The following TRPM3 variants were observed in gnomAD, a reference collection of about 807,000 sequenced individuals.
TRPM3 encodes the protein transient receptor potential cation channel subfamily M member 3.
In TRPM3, 77 loss-of-function variants were observed where a neutral mutation model predicts 181.2. That is an observed-to-expected ratio of 0.42 (90% CI 0.35 to 0.51). The LOEUF (loss-of-function observed/expected upper bound fraction) is 0.51, where lower values mean the gene tolerates loss of function less well. TRPM3 is among the 20% of genes least tolerant of loss of function. The probability of loss-of-function intolerance (pLI) is 0.01; values close to 1 mark genes in which losing one functional copy is unlikely to be tolerated. For synonymous variants in TRPM3, 745 were observed against 796.4 expected, an observed-to-expected ratio of 0.94 and a Z score of 1.09; for missense variants, 1,759 against 2,196.7, an observed-to-expected ratio of 0.80 and a Z score of 3.98.
chr9:71,049,488 G>C (rs756684750), intron 1 of TRPM3, among the ~76,000 whole-genome samples: 1 of 152,128 alleles, frequency 6.6e-6, no homozygotes, highest in African/African-American at 2.4e-5. Flanking sequence ...GTGAGTTTTA[G>C]ATCTGAAAGC....
At chr9:70,991,196 A>G (rs1021786514) in intron 1 of TRPM3, among the ~76,000 whole-genome samples, 1 of 152,196 alleles carries the variant, frequency 6.6e-6, no homozygotes, top group African/African-American at 2.4e-5. Context: ...CATGGATAGA[A>G]TTCAGTGGTC....
intron 1 of TRPM3, among the ~76,000 whole-genome samples, chr9:70,906,136 A>T (rs996174750): frequency 6.6e-6 from 1 of 152,146 alleles, no homozygotes; most frequent in Non-Finnish European, 1.5e-5. Context: ...TTGACAACTT[A>T]AAAAAATCTT....
At chr9:70,643,477 G>A (rs1021328984) in intron 9 of TRPM3, among the ~76,000 whole-genome samples, 2 of 152,212 alleles carry the variant, frequency 1.3e-5, no homozygotes, top group Non-Finnish European at 2.9e-5. Flanking sequence ...TTAGGCAAGT[G>A]TCAAATGAAA....
chr9:70,910,088 A>C (rs2096522957), intron 1 of TRPM3, among the ~76,000 whole-genome samples: 1 of 152,220 alleles, frequency 6.6e-6, no homozygotes, highest in Admixed American at 6.5e-5. Flanking sequence ...TGTGTTCACC[A>C]AAAAATATGT....
intron 7 of TRPM3, among the ~76,000 whole-genome samples, chr9:70,769,820 C>T (rs1222682587): frequency 2.6e-5 from 4 of 151,978 alleles, no homozygotes; most frequent in African/African-American, 4.8e-5. Context: ...TCTGCATGTG[C>T]CTTAAGTTCT....
chr9:70,999,137 A>C (rs2097573889), intron 1 of TRPM3, among the ~76,000 whole-genome samples: 1 of 152,212 alleles, frequency 6.6e-6, no homozygotes, highest in Non-Finnish European at 1.5e-5. Context: ...CTGGGATGAA[A>C]GCACACAGCA....
intron 17 of TRPM3, among the ~76,000 whole-genome samples, chr9:70,618,061 C>A (rs2063057988): frequency 1.3e-5 from 2 of 152,178 alleles, no homozygotes; most frequent in South Asian, 2.1e-4. Context: ...TCCCCATATT[C>A]TTTCAGTCTT....
At chr9:70,831,724 AT>A (rs2093909204) in intron 5 of TRPM3, among the ~76,000 whole-genome samples, 1 of 151,798 alleles carries the variant, frequency 6.6e-6, no homozygotes, top group Non-Finnish European at 1.5e-5. Flanking sequence ...TAGTTGGTAA[AT>A]ACAGTAGTAT....
chr9:70,538,317 G>A (rs1161370045), intron 25 of TRPM3, among the ~76,000 whole-genome samples: 2 of 148,438 alleles, frequency 1.3e-5, no homozygotes, highest in African/African-American at 2.6e-5. Flanking sequence ...TTTAGAGATG[G>A]GGGGGGTCTC....
intron 1 of TRPM3, among the ~76,000 whole-genome samples, chr9:71,134,190 A>G (rs768986858): frequency 1.3e-5 from 2 of 152,168 alleles, no homozygotes; most frequent in Admixed American, 6.5e-5. Context: ...GCAATTGTGA[A>G]TACAGGGATC....
At chr9:71,262,753 C>A (rs886301914) in intron 1 of TRPM3, among the ~76,000 whole-genome samples, 2 of 152,100 alleles carry the variant, frequency 1.3e-5, no homozygotes, top group African/African-American at 4.8e-5. Context: ...CCTCACAGCA[C>A]GGTCCCTCAC....
intron 1 of TRPM3, among the ~76,000 whole-genome samples, chr9:71,411,968 G>A (rs1256081780): frequency 1.3e-5 from 2 of 152,086 alleles, no homozygotes; most frequent in Admixed American, 6.6e-5. Flanking sequence ...TCTGATCTTT[G>A]ACAAATCTGA....
chr9:70,914,198 T>C (rs113490544), intron 1 of TRPM3, among the ~76,000 whole-genome samples: 3,032 of 152,256 alleles, frequency 0.02, 53 homozygotes, highest in East Asian at 0.049. Context: ...CACATAGCAT[T>C]CATCCCTTTT....
chr9:71,186,732 G>T (rs1323598132), intron 1 of TRPM3, among the ~76,000 whole-genome samples: 1 of 152,000 alleles, frequency 6.6e-6, no homozygotes, highest in Non-Finnish European at 1.5e-5. Context: ...AGGAGCTATT[G>T]TTATACTTAG....
intron 1 of TRPM3, among the ~76,000 whole-genome samples, chr9:71,088,134 C>T (rs949281449): frequency 4.6e-5 from 7 of 152,060 alleles, no homozygotes; most frequent in Non-Finnish European, 5.9e-5. Context: ...AAAAACATGT[C>T]GGGTTACAGT....
intron 1 of TRPM3, among the ~76,000 whole-genome samples, chr9:71,330,310 C>A (rs1489162783): frequency 1.3e-5 from 2 of 151,728 alleles, no homozygotes; most frequent in Non-Finnish European, 1.5e-5. Flanking sequence ...ATTAGGGAAC[C>A]AAAAAGTTTT....
chr9:71,416,608 G>C (rs980803636), intron 1 of TRPM3, among the ~76,000 whole-genome samples: 2 of 151,836 alleles, frequency 1.3e-5, no homozygotes, highest in Non-Finnish European at 2.9e-5. Flanking sequence ...CCAGTAAAAT[G>C]CCTTATGTTT....
intron 1 of TRPM3, among the ~76,000 whole-genome samples, chr9:71,287,718 A>G (rs1055501734): frequency 1.3e-5 from 2 of 152,088 alleles, no homozygotes; most frequent in African/African-American, 4.8e-5. Context: ...ATTGAATAAG[A>G]TATTTTGTTT....
intron 5 of TRPM3, among the ~76,000 whole-genome samples, chr9:70,836,459 T>C (rs1370661584): frequency 2.0e-5 from 3 of 152,170 alleles, no homozygotes; most frequent in African/African-American, 7.2e-5. Flanking sequence ...AGTGCTGCCT[T>C]GTCACCATTC....
Sources: allele counts gnomAD v4.1 joint callset (sites outside exome capture counted in the v4.1 genomes callset), GRCh38; gene constraint gnomAD v4.1.1; transcripts MANE v1.5; gene names NCBI Gene and HGNC (gene_info 2026-07-23, HGNC 2026-07-21).